ODAD3: variants seen among roughly 807,000 people sequenced by gnomAD.
The protein encoded by ODAD3 is outer dynein arm-docking complex subunit 3.
In ODAD3, 57 loss-of-function variants were observed where a neutral mutation model predicts 70.9. The observed-to-expected ratio is 0.80, with a 90% CI of 0.65 to 1.00. The LOEUF (loss-of-function observed/expected upper bound fraction) is 1.00. ODAD3 is among the 50% of genes least tolerant of loss of function. The pLI, the probability that ODAD3 is intolerant of heterozygous loss-of-function variation, is 0.00. For synonymous variants in ODAD3, 327 were observed against 315.9 expected (o/e 1.04, Z -0.37); for missense variants, 797 against 763.9 (o/e 1.04, Z -0.51).
chr19:11,420,783 C>A lies in ODAD3; in HGVS notation c.*52G>T. 6.6e-7 allele frequency: 1 copy of A among 1,517,420 alleles called. No individual in the cohort carries two copies. Among genetic ancestry groups the A allele is most frequent in the Non-Finnish European group, 9.1e-7 (1 of 1,093,478 alleles). 94.0% of individuals were successfully genotyped at this position (1,517,420 alleles called of 1,614,324 possible). A position where few individuals can be genotyped will look rare whatever the true frequency, so the allele number is the denominator to read the frequency against. ...GGCCCCGTGGGGCCTGCGCTAGACCCGGAGGGATCGGGGGCTCCGAAGGGG... is the reference window on the plus strand; with the variant it reads ...GGCCCCGTGGGGCCTGCGCTAGACCAGGAGGGATCGGGGGCTCCGAAGGGG... On this transcript the variant is annotated 3_prime_UTR_variant, in exon 13 of 13. Coordinates refer to ENST00000356392, the MANE Select transcript of ODAD3 (RefSeq NM_145045.5).
intron 7 of ODAD3, among the ~76,000 whole-genome samples, chr19:11,425,539 G>GTATA (rs1215448442): frequency 3.6e-4 from 49 of 134,314 alleles, no homozygotes; most frequent in African/African-American, 1.5e-3. Context: ...ATATATGTGT[G>GTATA]TATGTATGTA....
In ODAD3 at chr19:11,426,804, G is replaced by A; in HGVS notation, c.613-20C>T. On this transcript the variant is annotated intron_variant, in intron 4 of 12. Coordinates refer to ENST00000356392, the MANE Select transcript of ODAD3 (RefSeq NM_145045.5). ...CATGGTCTGGAGAGCAGCAGGGCTGGGCTGAGGGCCCTCCGCACTCAATCC... is the reference window on the plus strand; with the variant it reads ...CATGGTCTGGAGAGCAGCAGGGCTGAGCTGAGGGCCCTCCGCACTCAATCC... 1 of 1,613,662 alleles carries A rather than the reference G, an allele frequency of 6.2e-7. No homozygotes were observed. Among genetic ancestry groups the A allele is most frequent in the African/African-American group, 1.3e-5 (1 of 74,992 alleles).
At position 11,430,751 on chromosome 19, in the gene ODAD3, A is replaced by C. The variant is rs1969485658; in HGVS notation, c.392T>G (p.Val131Gly). The stretch of plus-strand genomic sequence containing the variant: ...CTTCTCCCACTTCCATTCGCGAATC[A>C]CTGCCTGGACCACTTTCTCATCTCC... ...LKGDEKVVQA[V>G]IREWKWEKPY... is the part of the protein sequence containing the mutation. Residue 131 changes from valine (V) to glycine (G), a missense_variant, in exon 3 of 13, where the codon GTG becomes GGG. Transcript: ENST00000356392. 3 of 1,613,904 alleles carry C rather than the reference A, an allele frequency of 1.9e-6. No homozygotes were observed. In the South Asian group the frequency reaches 3.3e-5, roughly 18 times the overall value.
rs1011710042 is a variant in ODAD3, at chr19:11,434,828, C to G, written c.189G>C (p.Gly63=). The G allele has an allele frequency of 3.1e-6, 5 of 1,614,192 alleles. No homozygotes were observed. Among genetic ancestry groups the G allele is most frequent in the East Asian group, 4.5e-5 (2 of 44,878 alleles). The stretch of plus-strand genomic sequence containing the variant: ...CCACCTGAGAGTGCACAGAGGGCTT[C>G]CCTGCACCTCTGTGGAAGGATCCTC... ...SKGGSFHRGA[G]KPSVHSQVAE... The change falls in exon 1 of 13, where the codon GGG becomes GGC. Residue 63 remains glycine (G), a synonymous_variant. Coordinates refer to ENST00000356392, the MANE Select transcript of ODAD3 (RefSeq NM_145045.5).
upstream of ODAD3, chr19:11,435,769 C>T: frequency 1.4e-6 from 2 of 1,389,610 alleles, no homozygotes; most frequent in Non-Finnish European, 1.9e-6. Context: ...CCGGAGGGTG[C>T]ATGTGTGGGT....
Position 11,422,539 on chromosome 19 carries a change from A to G in ODAD3, c.1366T>C (p.Leu456=). The G allele has an allele frequency of 1.3e-6, 2 of 1,592,146 alleles. No homozygotes were observed. The highest frequency in any genetic ancestry group is 8.5e-7 in the Non-Finnish European group (1 of 1,171,058). Residue 456 remains leucine (L), a synonymous_variant, in exon 10 of 13, where the codon TTG becomes CTG. Transcript: ENST00000356392. The surrounding 1 kb of genome is among the most constrained non-coding windows in gnomAD (Gnocchi z 4.6). ...AEAKDQLERA[L]RAMQVAKDSL... ...TCCTTGGCCACTTGCATCGCCCGCAAGGCGCGCTCCAGCTGGTCCTTGGCC... is the reference window on the plus strand; with the variant it reads ...TCCTTGGCCACTTGCATCGCCCGCAGGGCGCGCTCCAGCTGGTCCTTGGCC...
Position 11,430,862 on chromosome 19 carries a change from G to A in ODAD3, c.366+37C>T, listed in dbSNP as rs145068352. On this transcript the variant is annotated intron_variant, in intron 2 of 12. Transcript: ENST00000356392. Reference sequence around the variant, plus strand: ...ACCTACTTGTCCCCCACCATCCACCGCCACGGGAACCCTACACCCACCCCT... The same window carrying A: ...ACCTACTTGTCCCCCACCATCCACCACCACGGGAACCCTACACCCACCCCT... 11,859 of 1,613,694 alleles carry A rather than the reference G, an allele frequency of 7.3e-3. 62 individuals carry two copies. Among genetic ancestry groups the A allele is most frequent in the South Asian group, 0.013 (1,175 of 91,048 alleles).
In ODAD3 at chr19:11,426,797, AG is replaced by A; in HGVS notation, c.613-14del. 6.2e-7 allele frequency: 1 copy of A among 1,613,810 alleles called. No individual in the cohort carries two copies. Among genetic ancestry groups the A allele is most frequent in the Non-Finnish European group, 8.5e-7 (1 of 1,179,864 alleles). On this transcript the variant is annotated splice_polypyrimidine_tract_variant and intron_variant, in intron 4 of 12. Transcript: ENST00000356392. The stretch of plus-strand genomic sequence containing the variant: ...GGTTCCGCATGGTCTGGAGAGCAGC[AG>A]GGCTGGGCTGAGGGCCCTCCGCACT...
In ODAD3 at chr19:11,421,661, C is replaced by T. The variant is rs558928167; in HGVS notation, c.1590+16G>A. On this transcript the variant is annotated intron_variant, in intron 11 of 12. Transcript: ENST00000356392. ...CTCCTAGATCTCTGGAGCTCTGCCC[C>T]ATGGCTGCAGGGCACCTCGCGGTTA... 6.2e-7 allele frequency: 1 copy of T among 1,608,214 alleles called. No individual in the cohort carries two copies. Among genetic ancestry groups the T allele is most frequent in the Non-Finnish European group, 8.5e-7 (1 of 1,176,942 alleles).
upstream of ODAD3, chr19:11,435,635 C>G: frequency 8.0e-7 from 1 of 1,250,498 alleles, no homozygotes; most frequent in Non-Finnish European, 1.0e-6. Flanking sequence ...TTTCCGCTTT[C>G]TTTCTGCAGC....
At chr19:11,424,513 GTATA>G (rs1430361314) in intron 7 of ODAD3, among the ~76,000 whole-genome samples, 1 of 134,508 alleles carries the variant, frequency 7.4e-6, no homozygotes, top group East Asian at 2.0e-4. Flanking sequence ...ATGTATATAT[GTATA>G]TATATGTATA....
chr19:11,426,006 G>T (rs911303856), intron 7 of ODAD3, 138 bp downstream of exon 7: 21 of 1,179,702 alleles, frequency 1.8e-5, no homozygotes, highest in African/African-American at 1.6e-4. Flanking sequence ...CGCACCAAGT[G>T]GGGGTGGAGT....
chr19:11,428,119 A>G (rs1969425046), intron 3 of ODAD3, among the ~76,000 whole-genome samples: 1 of 151,628 alleles, frequency 6.6e-6, no homozygotes, highest in Admixed American at 6.6e-5. Flanking sequence ...AAAAAATTAT[A>G]GAGGCAGGGT....
At position 11,434,899 on chromosome 19, in the gene ODAD3, GGAGGT is replaced by G. The variant is rs1969626608; in HGVS notation, c.113_117del (p.His38ProfsTer34). The G allele has an allele frequency of 6.2e-7, 1 of 1,614,014 alleles. No individual in the cohort carries two copies. Among genetic ancestry groups the G allele is most frequent in the African/African-American group, 1.3e-5 (1 of 74,934 alleles). On this transcript the variant is annotated frameshift_variant, in exon 1 of 13. Transcript: ENST00000356392. LOFTEE classifies it high-confidence loss of function. ...CACGCCTGGGCTGTGCCCTTGCCTC[GGAGGT>G]GGCTGGGTTTGCCCGAAGCCTCCCT...
chr19:11,427,069 A>T (rs1190035445), intron 3 of ODAD3, 29 bp from the exon 4 acceptor site: 5 of 1,541,476 alleles, frequency 3.2e-6, no homozygotes, highest in African/African-American at 1.4e-5. Context: ...CGAAAGCAGG[A>T]GCCTCAACAC....
intron 3 of ODAD3, among the ~76,000 whole-genome samples, chr19:11,429,660 G>A (rs919838854): frequency 6.6e-6 from 1 of 151,542 alleles, no homozygotes; most frequent in South Asian, 2.1e-4. Flanking sequence ...CACCCACCTC[G>A]GCCTCCCAAA....
chr19:11,424,666 T>C (rs1260058867), intron 7 of ODAD3, among the ~76,000 whole-genome samples: 1 of 81,622 alleles, frequency 1.2e-5, no homozygotes, highest in South Asian at 4.0e-4. Context: ...TGTATATATG[T>C]ATATATGTGT....
intron 3 of ODAD3, among the ~76,000 whole-genome samples, chr19:11,428,155 C>T (rs1187321793): frequency 1.3e-5 from 2 of 151,850 alleles, no homozygotes; most frequent in Admixed American, 6.6e-5. Flanking sequence ...AGGCTGGTCG[C>T]GAATTCCTGG....
chr19:11,435,158 T>TCGGTTGCCAGGTAAC, upstream of ODAD3: 2 of 1,437,344 alleles, frequency 1.4e-6, no homozygotes, highest in Non-Finnish European at 1.8e-6. Context: ...TCCGCATCTC[T>TCGGTTGCCAGGTAAC]CGGTTGCCAG....
Sources: allele counts gnomAD v4.1 joint callset (sites outside exome capture counted in the v4.1 genomes callset), GRCh38; gene constraint gnomAD v4.1.1; non-coding constraint Gnocchi (gnomAD v3.1); transcripts MANE v1.5; gene names NCBI Gene and HGNC (gene_info 2026-07-23, HGNC 2026-07-21).